FAM13B: variants seen among roughly 807,000 people sequenced by gnomAD.
FAM13B encodes family with sequence similarity 13 member B, also known as protein FAM13B.
A neutral mutation model predicts 117.3 loss-of-function variants in FAM13B; 60 were observed. That is an observed-to-expected ratio of 0.51 (90% CI 0.42 to 0.63). The LOEUF (loss-of-function observed/expected upper bound fraction) is 0.63. Ranked by LOEUF, FAM13B falls within the 30% of genes least tolerant of loss-of-function variation. The pLI, the probability that FAM13B is intolerant of heterozygous loss-of-function variation, is 0.00. For missense variants in FAM13B, 972 were observed against 1,091.9 expected, an observed-to-expected ratio of 0.89 and a Z score of 1.55; for synonymous variants, 332 against 356.1, an observed-to-expected ratio of 0.93 and a Z score of 0.76.
chr5:137,980,256 G>A (rs886538316), intron 10 of FAM13B, among the ~76,000 whole-genome samples: 1 of 151,684 alleles, frequency 6.6e-6, no homozygotes, highest in Non-Finnish European at 1.5e-5. Context: ...ATTGTGTATT[G>A]CCCAACTGAA....
intron 7 of FAM13B, among the ~76,000 whole-genome samples, chr5:138,005,818 G>A (rs575584839): frequency 2.0e-5 from 3 of 151,806 alleles, no homozygotes; most frequent in Non-Finnish European, 4.4e-5. Flanking sequence ...TTTCCTAAAT[G>A]GCAATAGATA....
Position 137,940,265 on chromosome 5 carries a change from TC to T in FAM13B, c.2773del (p.Glu925LysfsTer4). ...AGAATCTTGTTTGCTTATAAGAACT[TC>T]AAGAAGCCTAAGCTTGGCTTTAATT... ...KKIKAKLRLLEVLISKQDSSK... is the reference protein window; with the variant it reads ...KKIKAKLRLLXVLISKQDSSK... On this transcript the variant is annotated frameshift_variant, in exon 24 of 24. Transcript: ENST00000689681. LOFTEE classifies it high-confidence loss of function. 1.9e-6 allele frequency: 3 copies of T among 1,613,920 alleles called. No homozygotes were observed. The highest frequency in any genetic ancestry group is 2.5e-6 in the Non-Finnish European group (3 of 1,179,816).
chr5:137,992,634 A>AT (rs995215741), intron 7 of FAM13B, among the ~76,000 whole-genome samples: 55 of 152,060 alleles, frequency 3.6e-4, no homozygotes, highest in Non-Finnish European at 7.2e-4. Context: ...ATGAACCACT[A>AT]AAGTTCACAA....
At chr5:137,946,530 C>T in intron 18 of FAM13B, 1 of 447,192 alleles carries the variant, frequency 2.2e-6, no homozygotes, top group Non-Finnish European at 3.9e-6. Context: ...AGGTACCAAC[C>T]CCTTTGATGG....
chr5:137,973,064 C>T (rs1417408352), intron 10 of FAM13B, among the ~76,000 whole-genome samples: 1 of 152,140 alleles, frequency 6.6e-6, no homozygotes, highest in African/African-American at 2.4e-5. Flanking sequence ...ATGCCATCCC[C>T]ATCAAGCTAC....
intron 20 of FAM13B, 69 bp downstream of exon 20, chr5:137,945,833 T>G (rs1763258419): frequency 5.2e-6 from 6 of 1,152,872 alleles, no homozygotes; most frequent in Non-Finnish European, 7.7e-6. Context: ...TATACCACAA[T>G]AATAATTTTT....
chr5:137,941,841 C>G (rs1761948746), intron 23 of FAM13B, 103 bp downstream of exon 23: 1 of 954,062 alleles, frequency 1.0e-6, no homozygotes, highest in African/African-American at 1.6e-5. Context: ...TGCTAGCATC[C>G]TATATGCACA....
At chr5:138,036,620 A>G (rs1791189695), upstream of FAM13B, 1 of 456,470 alleles carries the variant, frequency 2.2e-6, no homozygotes, top group South Asian at 1.5e-5. Flanking sequence ...CATTGTCCTC[A>G]ATAATTCTGG....
intron 1 of FAM13B, among the ~76,000 whole-genome samples, chr5:138,049,261 GTTTTGTTTTTGT>G (rs1261617801): frequency 6.8e-6 from 1 of 148,144 alleles, no homozygotes; most frequent in Non-Finnish European, 1.5e-5. Context: ...TACATTTCTT[GTTTTGTTTTTGT>G]TTTTGTTTTT....
At chr5:138,013,244 G>T (rs1784487787) in intron 4 of FAM13B, among the ~76,000 whole-genome samples, 1 of 151,716 alleles carries the variant, frequency 6.6e-6, no homozygotes, top group African/African-American at 2.4e-5. Flanking sequence ...GCTCACGCCT[G>T]TAATCCCAGC....
At chr5:137,971,107 G>A (rs6596414) in intron 10 of FAM13B, among the ~76,000 whole-genome samples, 111,309 of 150,896 alleles carry the variant, frequency 0.74, 41,717 homozygotes, top group East Asian at 0.97. Context: ...TGCACCAAGC[G>A]GACCTTATAG....
At chr5:138,004,268 CA>C (rs1402687064) in intron 7 of FAM13B, among the ~76,000 whole-genome samples, 13 of 137,516 alleles carry the variant, frequency 9.5e-5, no homozygotes, top group African/African-American at 8.1e-5. Flanking sequence ...AACTCCATCT[CA>C]AAAAAAAAAA....
Position 137,942,938 on chromosome 5 carries a change from A to G in FAM13B, c.2525T>C (p.Val842Ala), listed in dbSNP as rs759723933. 7 of 1,613,822 alleles carry G rather than the reference A, an allele frequency of 4.3e-6. No homozygotes were observed. The highest frequency in any genetic ancestry group is 5.9e-6 in the Non-Finnish European group (7 of 1,179,934). ...AGCCAGTTTTTCTTGATTTTCTTCA[A>G]CATCAGATTCAGAGTTTTCTAATGA... ...QSSLENSESD[V>A]EENQEKLALD... The change falls in exon 22 of 24, where the codon GTT becomes GCT. Residue 842 changes from valine (V) to alanine (A), a missense_variant. Coordinates refer to ENST00000689681, the MANE Select transcript of FAM13B (RefSeq NM_001385994.1).
intron 1 of FAM13B, among the ~76,000 whole-genome samples, chr5:138,031,685 G>GGAA (rs1790069290): frequency 6.8e-6 from 1 of 146,334 alleles, no homozygotes; most frequent in South Asian, 2.1e-4. Context: ...ACTGTCTCAA[G>GGAA]GAAAAAAAAA....
At chr5:137,980,047 C>A (rs1775221574) in intron 10 of FAM13B, among the ~76,000 whole-genome samples, 1 of 150,708 alleles carries the variant, frequency 6.6e-6, no homozygotes, top group African/African-American at 2.4e-5. Flanking sequence ...GTGGCACATG[C>A]CTGTAATCCC....
rs1581094262 is a variant in FAM13B, at chr5:137,959,551, T to C, written c.1441+65A>G. 43 of 1,548,030 alleles carry C rather than the reference T, an allele frequency of 2.8e-5. No homozygotes were observed. The East Asian group carries it at 8.6e-4, about 31-fold the overall frequency. On this transcript the variant is annotated intron_variant, in intron 13 of 23. Coordinates refer to ENST00000689681, the MANE Select transcript of FAM13B (RefSeq NM_001385994.1). ...CCAGAAAAGGGCTGTAGTCTTATCA[T>C]TGCTTAGGGTAATTTCGGTTACAAG...
At chr5:138,012,162 C>CCT (rs1284435299) in intron 4 of FAM13B, among the ~76,000 whole-genome samples, 3 of 151,760 alleles carry the variant, frequency 2.0e-5, no homozygotes, top group Non-Finnish European at 4.4e-5. Flanking sequence ...GGAACTCAAT[C>CCT]CCTTAATTGC....
intron 7 of FAM13B, among the ~76,000 whole-genome samples, chr5:138,000,944 A>AAAAAAAAAAAAAC (rs1781103895): frequency 1.5e-5 from 1 of 65,998 alleles, no homozygotes; most frequent in Non-Finnish European, 3.3e-5. Flanking sequence ...AACAAAAAAC[A>AAAAAAAAAAAAAC]AAAAAAAAAA....
chr5:137,975,979 C>CTTTTTTTTTT (rs1561483320), intron 10 of FAM13B, among the ~76,000 whole-genome samples: 1 of 10,412 alleles, frequency 9.6e-5, no homozygotes, highest in African/African-American at 2.2e-4. Context: ...CTCAACTCTT[C>CTTTTTTTTTT]CTTTTTTTTT....
Sources: gnomAD v4.1 joint callset for allele counts (sites outside exome capture counted in the v4.1 genomes callset) on GRCh38, gnomAD v4.1.1 for gene constraint, MANE v1.5 for transcripts, NCBI Gene and HGNC (gene_info 2026-07-23, HGNC 2026-07-21) for gene names.